CTNND2: variants seen among roughly 807,000 people sequenced by gnomAD.
The protein encoded by CTNND2 is catenin delta 2.
Under a neutral mutation model 144.4 loss-of-function variants are expected in CTNND2, and 22 were observed. That is an observed-to-expected ratio of 0.15 (90% CI 0.11 to 0.22). The LOEUF (loss-of-function observed/expected upper bound fraction) is 0.22. Among genes scored for constraint, CTNND2 ranks in the 10% least tolerant of loss-of-function variants. The pLI is 1.00. For synonymous variants in CTNND2, 751 were observed against 695.6 expected (o/e 1.08, Z -1.25); for missense variants, 1,353 against 1,618.8 (o/e 0.84, Z 2.82).
intron 16 of CTNND2, among the ~76,000 whole-genome samples, chr5:11,037,442 T>C (rs1053922440): frequency 6.6e-6 from 1 of 152,166 alleles, no homozygotes. Context: ...AATTGGATCT[T>C]AGTTACACGC....
chr5:11,360,567 T>G (rs575124599), intron 8 of CTNND2, among the ~76,000 whole-genome samples: 2 of 152,166 alleles, frequency 1.3e-5, no homozygotes, highest in Non-Finnish European at 2.9e-5. Flanking sequence ...ATACCTTCCC[T>G]TGGTGTGATT....
intron 12 of CTNND2, among the ~76,000 whole-genome samples, chr5:11,139,107 C>T (rs1440753859): frequency 1.3e-5 from 2 of 152,084 alleles, no homozygotes; most frequent in African/African-American, 4.8e-5. Context: ...ATTACAGCTG[C>T]ACACCACCAT....
intron 9 of CTNND2, among the ~76,000 whole-genome samples, chr5:11,275,478 T>A (rs1255373259): frequency 6.6e-6 from 1 of 152,166 alleles, no homozygotes; most frequent in East Asian, 1.9e-4. Context: ...GCCCCGTGGA[T>A]TCCCAGCTGG....
Position 11,435,788 on chromosome 5 carries a change from A to G in CTNND2, c.288-23719T>C, listed in dbSNP as rs570884278. ...AACCTCAAGTCTTCCAATTCAAGGG[A>G]CTTTAGGAACACAGTTCTATTATCT... On this transcript the variant is annotated intron_variant, in intron 3 of 21. Coordinates refer to ENST00000304623, the MANE Select transcript of CTNND2 (RefSeq NM_001332.4). Among the ~76,000 whole-genome samples, 9 of 152,268 alleles carry G rather than the reference A, an allele frequency of 5.9e-5. No homozygotes were observed. The South Asian group carries it at 1.9e-3, about 32-fold the overall frequency.
intron 2 of CTNND2, among the ~76,000 whole-genome samples, chr5:11,618,815 T>C (rs1286245593): frequency 1.3e-5 from 2 of 152,184 alleles, no homozygotes; most frequent in Non-Finnish European, 2.9e-5. Flanking sequence ...TGAGTATCAT[T>C]TGTATACTCA....
intron 9 of CTNND2, among the ~76,000 whole-genome samples, chr5:11,310,069 T>G (rs542475441): frequency 6.8e-4 from 103 of 152,288 alleles, no homozygotes; most frequent in African/African-American, 2.0e-3. Context: ...GGTAGTTTTT[T>G]TTTGTTTGTT....
At position 11,637,741 on chromosome 5, in the gene CTNND2, TG is replaced by T. The variant is rs1251416684; in HGVS notation, c.175-72686del. ...ATGGTTTGAAAAATACATACATTTATGTTTTTTAAATTATTTATTATTTATT... is the reference window on the plus strand; with the variant it reads ...ATGGTTTGAAAAATACATACATTTATTTTTTTAAATTATTTATTATTTATT... On this transcript the variant is annotated intron_variant, in intron 2 of 21. Transcript: ENST00000304623. 3.9e-5 allele frequency among the ~76,000 whole-genome samples: 6 copies of T among 152,228 alleles called. 1 individual carries two copies. Among genetic ancestry groups the T allele is most frequent in the Non-Finnish European group, 7.3e-5 (5 of 68,034 alleles).
chr5:11,207,236 G>A (rs571240878), intron 10 of CTNND2, among the ~76,000 whole-genome samples: 12 of 152,042 alleles, frequency 7.9e-5, no homozygotes, highest in Non-Finnish European at 1.3e-4. Context: ...GGGCCTGTTG[G>A]GGGGTGTGGG....
At chr5:11,496,197 C>CTG (rs765063759) in intron 3 of CTNND2, among the ~76,000 whole-genome samples, 2 of 152,104 alleles carry the variant, frequency 1.3e-5, no homozygotes, top group Non-Finnish European at 2.9e-5. Context: ...TCATCTATTG[C>CTG]TGTTGTAAGG....
chr5:10,981,887 A>G, intron 20 of CTNND2, 41 bp from the exon 21 acceptor site: 6 of 1,537,326 alleles, frequency 3.9e-6, no homozygotes, highest in Non-Finnish European at 4.5e-6. Flanking sequence ...AAAGAAAACA[A>G]CATTACAAAT....
intron 2 of CTNND2, among the ~76,000 whole-genome samples, chr5:11,709,171 G>T (rs560723717): frequency 6.6e-6 from 1 of 152,184 alleles, no homozygotes; most frequent in East Asian, 1.9e-4. Flanking sequence ...TGACACACCC[G>T]GCTACTGAAG....
chr5:11,071,419 A>G (rs993024256), intron 16 of CTNND2, among the ~76,000 whole-genome samples: 7 of 152,118 alleles, frequency 4.6e-5, no homozygotes, highest in African/African-American at 1.7e-4. Flanking sequence ...CTGCACCTGT[A>G]ATCCCAGATA....
intron 2 of CTNND2, among the ~76,000 whole-genome samples, chr5:11,666,249 G>A (rs2727598): frequency 0.22 from 33,137 of 152,034 alleles, 5,724 homozygotes; most frequent in African/African-American, 0.48. Context: ...ACTCTCATAG[G>A]ATTGTCTAAG....
rs554406169 is a variant in CTNND2 at position 11,591,747 on chromosome 5, G to T, written c.175-26691C>A. 2.2e-3 allele frequency among the ~76,000 whole-genome samples: 341 copies of T among 152,090 alleles called. 3 individuals carry two copies. The highest frequency in any genetic ancestry group is 7.8e-3 in the African/African-American group (324 of 41,494). ...TGGTTATACTTTCTCTGCCTTTTGT[G>T]TATTTGTGTTTTTGTGTTCCTTTAT... On this transcript the variant is annotated intron_variant, in intron 2 of 21. Coordinates refer to ENST00000304623, the MANE Select transcript of CTNND2 (RefSeq NM_001332.4).
intron 2 of CTNND2, among the ~76,000 whole-genome samples, chr5:11,702,155 A>G (rs938940388): frequency 2.0e-5 from 3 of 152,186 alleles, no homozygotes; most frequent in Non-Finnish European, 4.4e-5. Flanking sequence ...AGAGACATAC[A>G]GGCAAAATCA....
intron 9 of CTNND2, among the ~76,000 whole-genome samples, chr5:11,297,869 T>C (rs901834306): frequency 3.9e-5 from 6 of 152,176 alleles, no homozygotes; most frequent in African/African-American, 1.4e-4. Flanking sequence ...ATATCTTTAG[T>C]TATTTTCACC....
At chr5:11,855,772 C>T (rs1795223142) in intron 1 of CTNND2, among the ~76,000 whole-genome samples, 1 of 152,128 alleles carries the variant, frequency 6.6e-6, no homozygotes, top group Non-Finnish European at 1.5e-5. Flanking sequence ...ATTCTTAGGC[C>T]TCACCATAGA....
chr5:10,992,310 T>A (rs1375852332), intron 19 of CTNND2, among the ~76,000 whole-genome samples: 1 of 152,216 alleles, frequency 6.6e-6, no homozygotes, highest in African/African-American at 2.4e-5. Flanking sequence ...CCTCCTGAAT[T>A]CAGGTTCATT....
chr5:11,200,501 A>G (rs1737311386), intron 10 of CTNND2, among the ~76,000 whole-genome samples: 1 of 152,234 alleles, frequency 6.6e-6, no homozygotes, highest in South Asian at 2.1e-4. Flanking sequence ...GACAAAGAGC[A>G]TGATTCGTGC....
Sources: allele counts gnomAD v4.1 joint callset (sites outside exome capture counted in the v4.1 genomes callset), GRCh38; gene constraint gnomAD v4.1.1; transcripts MANE v1.5; gene names NCBI Gene and HGNC (gene_info 2026-07-23, HGNC 2026-07-21).